Variants in ADARB2 observed in about 807,000 individuals in gnomAD.
ADARB2 encodes inactive double-stranded RNA-specific editase B2.
In ADARB2, 25 loss-of-function variants were observed where a neutral mutation model predicts 62.2. The ratio of observed to expected loss-of-function variants is 0.40; its 90% confidence interval spans 0.29 to 0.56. ADARB2 has a LOEUF of 0.56. ADARB2 is among the 20% of genes least tolerant of loss of function. The probability of loss-of-function intolerance (pLI) is 0.43; values close to 1 mark genes in which losing one functional copy is unlikely to be tolerated. For missense variants in ADARB2, 1,071 were observed against 1,077.4 expected, an observed-to-expected ratio of 0.99 and a Z score of 0.08; for synonymous variants, 572 against 500.8, an observed-to-expected ratio of 1.14 and a Z score of -1.90.
intron 1 of ADARB2, among the ~76,000 whole-genome samples, chr10:1,533,578 G>A (rs189305533): frequency 2.7e-3 from 417 of 152,300 alleles, no homozygotes; most frequent in Middle Eastern, 0.01. Context: ...CTGACTCTGC[G>A]ATGCCTCCCA....
At chr10:1,709,727 TG>T (rs1834929033) in intron 1 of ADARB2, among the ~76,000 whole-genome samples, 1 of 152,232 alleles carries the variant, frequency 6.6e-6, no homozygotes, top group South Asian at 2.1e-4. Context: ...TCTGTATAGA[TG>T]ACCCCATGCC....
chr10:1,350,973 C>T lies in ADARB2; in HGVS notation c.1077+12055G>A, dbSNP rs1039639319. Among the ~76,000 whole-genome samples, 19 of 152,324 alleles carry T rather than the reference C, an allele frequency of 1.2e-4. 1 individual carries two copies. Among genetic ancestry groups the T allele is most frequent in the Admixed American group, 7.2e-4 (11 of 15,300 alleles). ...CACGCAAGAACTGGAACGCCTGAACCGCAGCTGCCAGGGTTTCCTCCAGGC... is the reference window on the plus strand; with the variant it reads ...CACGCAAGAACTGGAACGCCTGAACTGCAGCTGCCAGGGTTTCCTCCAGGC... On this transcript the variant is annotated intron_variant, in intron 3 of 9. Transcript: ENST00000381312.
chr10:1,386,484 T>G (rs1260932336), intron 1 of ADARB2, among the ~76,000 whole-genome samples: 1 of 151,994 alleles, frequency 6.6e-6, no homozygotes, highest in African/African-American at 2.4e-5. Context: ...AGATACATCA[T>G]GTAAATGCTT....
chr10:1,265,330 A>G (rs1831183117), intron 4 of ADARB2, among the ~76,000 whole-genome samples: 1 of 152,278 alleles, frequency 6.6e-6, no homozygotes, highest in South Asian at 2.1e-4. Flanking sequence ...CCCTTTAAGA[A>G]TCATTCGCTC....
chr10:1,734,871 T>A (rs552852604), intron 1 of ADARB2, among the ~76,000 whole-genome samples: 1 of 152,296 alleles, frequency 6.6e-6, no homozygotes, highest in Admixed American at 6.5e-5. Flanking sequence ...TAGAACATAA[T>A]TTAAACTCAC....
intron 3 of ADARB2, among the ~76,000 whole-genome samples, chr10:1,355,752 G>C (rs1180541990): frequency 6.6e-6 from 1 of 152,102 alleles, no homozygotes; most frequent in East Asian, 1.9e-4. Context: ...TAGGAAGTAG[G>C]GTGGCAGAAG....
chr10:1,614,930 C>A (rs141941465), intron 1 of ADARB2, among the ~76,000 whole-genome samples: 2,281 of 147,206 alleles, frequency 0.015, 25 homozygotes, highest in Non-Finnish European at 0.023. Flanking sequence ...TAATAAAATG[C>A]CCTTTTTGTT....
At chr10:1,304,907 G>A (rs1831611596) in intron 3 of ADARB2, among the ~76,000 whole-genome samples, 1 of 138,008 alleles carries the variant, frequency 7.2e-6, no homozygotes, top group South Asian at 2.8e-4. Flanking sequence ...AGCACTAAAT[G>A]CCCACAAGAG....
At chr10:1,327,912 T>C (rs201543586) in intron 3 of ADARB2, among the ~76,000 whole-genome samples, 2,651 of 51,256 alleles carry the variant, frequency 0.052, 157 homozygotes, top group African/African-American at 0.18. Flanking sequence ...CTCCTCACAG[T>C]TCAGCATCTC....
intron 1 of ADARB2, among the ~76,000 whole-genome samples, chr10:1,566,527 T>C (rs1832863704): frequency 6.6e-6 from 1 of 152,130 alleles, no homozygotes; most frequent in Non-Finnish European, 1.5e-5. Flanking sequence ...GTTTTAGTGG[T>C]TACTGTGGGG....
rs575023481 is a variant in ADARB2, at chr10:1,257,935, G to A, written c.1192+13020C>T. 1.1e-4 allele frequency among the ~76,000 whole-genome samples: 16 copies of A among 152,298 alleles called. No individual in the cohort carries two copies. In the East Asian group the frequency reaches 2.7e-3, roughly 26 times the overall value. On this transcript the variant is annotated intron_variant, in intron 4 of 9. Coordinates refer to ENST00000381312, the MANE Select transcript of ADARB2 (RefSeq NM_018702.4). ...TGAAAGTCCACACTTACTTCAGAGG[G>A]TTACAGCTTCACTCAGTTTCACATT...
chr10:1,593,277 CACCCT>C lies in ADARB2; in HGVS notation c.100+143769_100+143773del, dbSNP rs1261534641. ...GTCACCCAGCTTCCCTCACCCAAGC[CACCCT>C]CCATAGGTCTCCTCTCTGGCATGGT... On this transcript the variant is annotated intron_variant, in intron 1 of 9. Coordinates refer to ENST00000381312, the MANE Select transcript of ADARB2 (RefSeq NM_018702.4). Among the ~76,000 whole-genome samples the C allele has an allele frequency of 3.4e-3, 498 of 144,928 alleles. 58 individuals are homozygous for C. The highest frequency in any genetic ancestry group is 0.012 in the African/African-American group (464 of 37,612).
At chr10:1,186,394 T>C in intron 8 of ADARB2, 1 of 470,060 alleles carries the variant, frequency 2.1e-6, no homozygotes, top group South Asian at 1.5e-5. Flanking sequence ...GAGTCCAGGC[T>C]CCCACTCACA....
chr10:1,327,188 C>A (rs114270555), intron 3 of ADARB2, among the ~76,000 whole-genome samples: 1,088 of 97,010 alleles, frequency 0.011, 192 homozygotes, highest in African/African-American at 0.04. Context: ...CAGTTCAGCG[C>A]CTCCCCAAGG....
At chr10:1,336,019 T>A (rs959677682) in intron 3 of ADARB2, among the ~76,000 whole-genome samples, 6 of 152,260 alleles carry the variant, frequency 3.9e-5, no homozygotes, top group African/African-American at 1.4e-4. Context: ...AATTAGCTCT[T>A]ATTCAAAAAT....
At chr10:1,560,619 G>A (rs1407044428) in intron 1 of ADARB2, among the ~76,000 whole-genome samples, 1 of 152,158 alleles carries the variant, frequency 6.6e-6, no homozygotes. Flanking sequence ...AGCAAAGCTG[G>A]AGAGTCTGGC....
In ADARB2 at chr10:1,179,506, G is replaced by GGAGGTGGACAGCGGAGGCTGCC. The variant is rs1836635797; in HGVS notation, c.*3665_*3686dup. ...CACACACGGCTGCAAAACCGGGGCT[G>GGAGGTGGACAGCGGAGGCTGCC]GAGGTGGACAGCGGAGGCTGCCTGG... On this transcript the variant is annotated 3_prime_UTR_variant, in exon 10 of 10. Coordinates refer to ENST00000381312, the MANE Select transcript of ADARB2 (RefSeq NM_018702.4). The GGAGGTGGACAGCGGAGGCTGCC allele has an allele frequency of 6.6e-6, 1 of 152,252 alleles. No homozygotes were observed. The highest frequency in any genetic ancestry group is 2.1e-4 in the South Asian group (1 of 4,834). 9.4% of individuals were successfully genotyped at this position (152,252 alleles called of 1,614,324 possible).
At chr10:1,393,721 CACAG>C (rs1289174129) in intron 1 of ADARB2, among the ~76,000 whole-genome samples, 2 of 152,230 alleles carry the variant, frequency 1.3e-5, no homozygotes, top group African/African-American at 4.8e-5. Flanking sequence ...GAAACGCCAA[CACAG>C]ACACACACCA....
chr10:1,402,857 C>G (rs1000911057), intron 1 of ADARB2, among the ~76,000 whole-genome samples: 2 of 152,234 alleles, frequency 1.3e-5, no homozygotes, highest in African/African-American at 4.8e-5. Flanking sequence ...TCGAAAATCA[C>G]TAAGAATTTC....
Sources: gnomAD v4.1 joint callset for allele counts (sites outside exome capture counted in the v4.1 genomes callset) on GRCh38, gnomAD v4.1.1 for gene constraint, MANE v1.5 for transcripts, NCBI Gene and HGNC (gene_info 2026-07-23, HGNC 2026-07-21) for gene names.